Variants in DGKB observed in about 807,000 individuals in gnomAD.
DGKB encodes the protein diacylglycerol kinase beta.
DGKB carries 67 observed loss-of-function variants against 114.3 expected under a neutral mutation model. The observed-to-expected ratio is 0.59, with a 90% CI of 0.48 to 0.72. The LOEUF (loss-of-function observed/expected upper bound fraction) is 0.72. Among genes scored for constraint, DGKB ranks in the 30% least tolerant of loss-of-function variants. DGKB has a pLI of 0.00. For synonymous variants in DGKB, 398 were observed against 323.1 expected, an observed-to-expected ratio of 1.23 and a Z score of -2.49; for missense variants, 907 against 975.2, an observed-to-expected ratio of 0.93 and a Z score of 0.93.
At chr7:14,796,130 G>C (rs974038227) in intron 2 of DGKB, among the ~76,000 whole-genome samples, 1 of 152,166 alleles carries the variant, frequency 6.6e-6, no homozygotes, top group Non-Finnish European at 1.5e-5. Context: ...TTTACAAAAA[G>C]TTGATGGGTG....
chr7:14,521,363 TTC>T (rs1251148397), intron 20 of DGKB, among the ~76,000 whole-genome samples: 3 of 152,126 alleles, frequency 2.0e-5, no homozygotes, highest in Non-Finnish European at 4.4e-5. Flanking sequence ...CATTTTCACT[TTC>T]TCTTTGTCTT....
chr7:14,744,210 T>A (rs948661092), intron 4 of DGKB, among the ~76,000 whole-genome samples: 1 of 152,204 alleles, frequency 6.6e-6, no homozygotes, highest in African/African-American at 2.4e-5. Context: ...TCTTCTAGAA[T>A]TTGGAAACTA....
At chr7:14,242,907 T>C (rs1306398556) in intron 23 of DGKB, among the ~76,000 whole-genome samples, 1 of 151,666 alleles carries the variant, frequency 6.6e-6, no homozygotes, top group Non-Finnish European at 1.5e-5. Context: ...TCTGAGTGTC[T>C]CTGAAATACT....
chr7:14,828,606 G>T (rs113902272), intron 2 of DGKB, among the ~76,000 whole-genome samples: 4 of 152,084 alleles, frequency 2.6e-5, no homozygotes, highest in African/African-American at 9.6e-5. Flanking sequence ...TACTTCTAAG[G>T]AATTACTTCC....
chr7:14,935,444 A>G (rs1400924593), intron 1 of DGKB, among the ~76,000 whole-genome samples: 1 of 152,190 alleles, frequency 6.6e-6, no homozygotes, highest in Non-Finnish European at 1.5e-5. Flanking sequence ...AAGTTTATAT[A>G]AAATAAATGA....
intron 25 of DGKB, among the ~76,000 whole-genome samples, chr7:14,157,864 C>G (rs1584110981): frequency 6.6e-6 from 1 of 152,142 alleles, no homozygotes; most frequent in African/African-American, 2.4e-5. Flanking sequence ...CATAACAAAA[C>G]AATACAAAAA....
At chr7:14,275,284 C>T (rs1306172201) in intron 23 of DGKB, among the ~76,000 whole-genome samples, 1 of 152,118 alleles carries the variant, frequency 6.6e-6, no homozygotes, top group Non-Finnish European at 1.5e-5. Flanking sequence ...GTCCCAACTC[C>T]TAATACAGGC....
At chr7:14,768,962 G>A (rs961356386) in intron 2 of DGKB, among the ~76,000 whole-genome samples, 11 of 151,758 alleles carry the variant, frequency 7.2e-5, no homozygotes, top group Admixed American at 2.6e-4. Flanking sequence ...CTAGCTAAAT[G>A]TGTAGGGTAT....
At position 14,472,041 on chromosome 7, in the gene DGKB, A is replaced by G. The variant is rs141212189; in HGVS notation, c.1835+6120T>C. 2.4e-3 allele frequency among the ~76,000 whole-genome samples: 371 copies of G among 152,338 alleles called. 3 individuals carry two copies. The highest frequency in any genetic ancestry group is 0.024 in the Middle Eastern group (7 of 294). ...AACAGTATTATTGTGATCGCTGGCC[A>G]TAAGTGCTTACTAGCTAACTTCTTT... On this transcript the variant is annotated intron_variant, in intron 21 of 25. Coordinates refer to ENST00000402815, the MANE Select transcript of DGKB (RefSeq NM_001350709.2).
intron 2 of DGKB, among the ~76,000 whole-genome samples, chr7:14,784,317 A>G (rs1839547662): frequency 6.6e-6 from 1 of 151,914 alleles, no homozygotes; most frequent in Non-Finnish European, 1.5e-5. Flanking sequence ...TCATATCAGA[A>G]CAATATAAAC....
chr7:14,970,463 T>C (rs537461519), intron 1 of DGKB, among the ~76,000 whole-genome samples: 4 of 150,490 alleles, frequency 2.7e-5, no homozygotes, highest in Non-Finnish European at 5.9e-5. Flanking sequence ...AAAGTAAAAA[T>C]TAAAAAAAAA....
chr7:14,869,623 G>A (rs1444650396), intron 1 of DGKB, among the ~76,000 whole-genome samples: 1 of 152,016 alleles, frequency 6.6e-6, no homozygotes, highest in African/African-American at 2.4e-5. Context: ...AAGCTTTTCT[G>A]TCAGTTTATT....
chr7:14,970,417 C>T, intron 1 of DGKB, among the ~76,000 whole-genome samples: 1 of 151,552 alleles, frequency 6.6e-6, no homozygotes, highest in East Asian at 1.9e-4. Flanking sequence ...TAATGTAAAA[C>T]TGTAAAACCT....
At chr7:14,886,073 A>C (rs1208713207) in intron 1 of DGKB, among the ~76,000 whole-genome samples, 1 of 151,980 alleles carries the variant, frequency 6.6e-6, no homozygotes. Context: ...ATGGATTGAA[A>C]ATGAAAAGAC....
intron 23 of DGKB, among the ~76,000 whole-genome samples, chr7:14,258,584 G>A (rs939855643): frequency 6.6e-6 from 1 of 152,118 alleles, no homozygotes; most frequent in Non-Finnish European, 1.5e-5. Flanking sequence ...AAGAGAACAA[G>A]AATTGCTAGA....
chr7:14,307,314 T>TTTCCA lies in DGKB; in HGVS notation c.2122+31200_2122+31201insTGGAA, dbSNP rs568126184. ...AGAAAATGCTGATAGTCATTTAATA[T>TTTCCA]TTTCCGACTTCAATTAATTAAAGTC... On this transcript the variant is annotated intron_variant, in intron 23 of 25. Transcript: ENST00000402815. 3.9e-5 allele frequency among the ~76,000 whole-genome samples: 6 copies of TTTCCA among 152,306 alleles called. No individual in the cohort carries two copies. In the South Asian group the frequency reaches 1.2e-3, roughly 32 times the overall value.
At chr7:14,552,751 A>G (rs1795283597) in intron 20 of DGKB, among the ~76,000 whole-genome samples, 1 of 152,250 alleles carries the variant, frequency 6.6e-6, no homozygotes, top group Admixed American at 6.5e-5. Context: ...GAAAAATTAA[A>G]TGTTTTCCAA....
At chr7:14,239,100 C>A (rs924238032) in intron 23 of DGKB, among the ~76,000 whole-genome samples, 9 of 151,936 alleles carry the variant, frequency 5.9e-5, no homozygotes, top group African/African-American at 2.2e-4. Context: ...AGGCTTGCAT[C>A]TGTTTATGTT....
At chr7:14,540,038 T>C (rs1793165976) in intron 20 of DGKB, among the ~76,000 whole-genome samples, 1 of 152,072 alleles carries the variant, frequency 6.6e-6, no homozygotes, top group African/African-American at 2.4e-5. Context: ...TATCACATCA[T>C]TTATTTAATA....
Sources: gnomAD v4.1 joint callset for allele counts (sites outside exome capture counted in the v4.1 genomes callset) on GRCh38, gnomAD v4.1.1 for gene constraint, MANE v1.5 for transcripts, NCBI Gene and HGNC (gene_info 2026-07-23, HGNC 2026-07-21) for gene names.